LRRK1: variants seen among roughly 807,000 people sequenced by gnomAD.
The protein encoded by LRRK1 is leucine-rich repeat serine/threonine-protein kinase 1.
A neutral mutation model predicts 209.1 loss-of-function variants in LRRK1; 113 were observed. The ratio of observed to expected loss-of-function variants is 0.54; its 90% CI spans 0.46 to 0.63. LRRK1 has a LOEUF of 0.63. Among genes scored for constraint, LRRK1 ranks in the 30% least tolerant of loss-of-function variants. The pLI is 0.00. For synonymous variants in LRRK1, 1,144 were observed against 1,099.7 expected (o/e 1.04, Z -0.80); for missense variants, 2,284 against 2,632.2 (o/e 0.87, Z 2.89).
intron 22 of LRRK1, among the ~76,000 whole-genome samples, chr15:101,048,988 C>T (rs116868898): frequency 5.3e-5 from 8 of 152,314 alleles, no homozygotes; most frequent in Non-Finnish European, 8.8e-5. Context: ...GGTGACCTTG[C>T]AGCCATCCTG....
intron 3 of LRRK1, among the ~76,000 whole-genome samples, chr15:100,974,686 C>G (rs963593464): frequency 6.6e-6 from 1 of 152,100 alleles, no homozygotes; most frequent in African/African-American, 2.4e-5. Flanking sequence ...AATGTTTTTG[C>G]CTCATTCTTT....
At chr15:100,989,595 A>G (rs2032050582) in intron 6 of LRRK1, 197 bp downstream of exon 6, 1 of 608,632 alleles carries the variant, frequency 1.6e-6, no homozygotes, top group African/African-American at 1.8e-5. Context: ...CAAGAGACCA[A>G]CAGACTGAGA....
Position 101,012,122 on chromosome 15 carries a change from C to A in LRRK1, c.1396C>A (p.Pro466Thr). Residue 466 changes from proline to threonine, a missense_variant, in exon 10 of 34, where the codon CCC becomes ACC. Around this residue, in one of 6 missense-constraint regions of LRRK1, gnomAD observed 494 missense variants for 522.1 expected, o/e 0.95. Coordinates refer to ENST00000388948, the MANE Select transcript of LRRK1 (RefSeq NM_024652.6). ...CTCAGAAAACGCACTCAAAGAAGTT[C>A]CCCTGGGACTTTTCCAGCTTGATGT... ...DFSENALKEV[P>T]LGLFQLDALM... 6.2e-7 allele frequency: 1 copy of A among 1,609,528 alleles called. No individual in the cohort carries two copies. The highest frequency in any genetic ancestry group is 8.5e-7 in the Non-Finnish European group (1 of 1,178,866).
At chr15:101,016,053 G>C (rs1350989103) in intron 12 of LRRK1, among the ~76,000 whole-genome samples, 1 of 150,864 alleles carries the variant, frequency 6.6e-6, no homozygotes, top group Non-Finnish European at 1.5e-5. Context: ...GCAGTGGCGC[G>C]ATCTTGGCTC....
chr15:100,970,907 A>C (rs2030826147), intron 2 of LRRK1, among the ~76,000 whole-genome samples: 1 of 151,854 alleles, frequency 6.6e-6, no homozygotes, highest in Non-Finnish European at 1.5e-5. Flanking sequence ...CTTTTGTTAC[A>C]TTTTTTTCTA....
chr15:100,926,436 C>T (rs528704992), intron 2 of LRRK1, among the ~76,000 whole-genome samples: 1 of 151,920 alleles, frequency 6.6e-6, no homozygotes, highest in African/African-American at 2.4e-5. Context: ...GTGACTGTGT[C>T]ATCTGAAAAA....
chr15:101,045,646 G>A (rs1023651625), intron 20 of LRRK1, among the ~76,000 whole-genome samples: 13 of 152,088 alleles, frequency 8.5e-5, no homozygotes, highest in Admixed American at 1.3e-4. Context: ...CTGCAACCCC[G>A]TTTATAGAGA....
chr15:100,933,637 C>T (rs1157761900), intron 2 of LRRK1, among the ~76,000 whole-genome samples: 1 of 151,932 alleles, frequency 6.6e-6, no homozygotes, highest in Admixed American at 6.6e-5. Context: ...GCCTGGCCAA[C>T]GTGGCGAAAC....
intron 3 of LRRK1, among the ~76,000 whole-genome samples, chr15:100,975,384 A>G (rs2031232901): frequency 6.6e-6 from 1 of 152,236 alleles, no homozygotes; most frequent in East Asian, 1.9e-4. Flanking sequence ...CTTCATCCTG[A>G]GGGTGGAAAA....
At chr15:100,923,028 C>G (rs897243197) in intron 1 of LRRK1, among the ~76,000 whole-genome samples, 2 of 152,172 alleles carry the variant, frequency 1.3e-5, no homozygotes, top group Admixed American at 6.5e-5. Flanking sequence ...TAGAACCTAC[C>G]CGCTGGTGAG....
intron 22 of LRRK1, 68 bp from the exon 23 acceptor site, chr15:101,049,576 T>G: frequency 6.4e-7 from 1 of 1,557,728 alleles, no homozygotes; most frequent in Non-Finnish European, 8.7e-7. Flanking sequence ...TCCCTGGGGG[T>G]AGGGATATCA....
At position 101,071,427 on chromosome 15, in the gene LRRK1, T is replaced by C. The variant is rs1042186069; in HGVS notation, c.*2579T>C. The C allele has an allele frequency of 2.1e-4, 32 of 152,490 alleles. No homozygotes were observed. Among genetic ancestry groups the C allele is most frequent in the Admixed American group, 1.9e-3 (29 of 15,304 alleles). The allele number at this position is 152,490 out of a possible 1,614,324, so 9.4% of individuals were successfully genotyped here. The stretch of plus-strand genomic sequence containing the variant: ...TTTTTTGAGACGGAGTCTCGCTCTG[T>C]TGCCCAGGCTGGAGTGCAATGGCGC... On this transcript the variant is annotated 3_prime_UTR_variant, in exon 34 of 34. Coordinates refer to ENST00000388948, the MANE Select transcript of LRRK1 (RefSeq NM_024652.6).
chr15:100,974,726 G>C (rs975260195), intron 3 of LRRK1, among the ~76,000 whole-genome samples: 2 of 152,164 alleles, frequency 1.3e-5, no homozygotes, highest in African/African-American at 4.8e-5. Context: ...TCTTAGCATA[G>C]ATCTGCAGGG....
At position 101,052,059 on chromosome 15, in the gene LRRK1, C is replaced by T. The variant is rs944595891; in HGVS notation, c.3689+99C>T. The T allele has an allele frequency of 1.5e-4, 213 of 1,411,310 alleles. No homozygotes were observed. In the African/African-American group the frequency reaches 2.1e-3, roughly 14 times the overall value. The allele number at this position is 1,411,310 out of a possible 1,614,324, so 87.4% of individuals were successfully genotyped here. A position where few individuals can be genotyped will look rare whatever the true frequency, so the allele number is the denominator to read the frequency against. On this transcript the variant is annotated intron_variant, in intron 24 of 33. Coordinates refer to ENST00000388948, the MANE Select transcript of LRRK1 (RefSeq NM_024652.6). The stretch of plus-strand genomic sequence containing the variant: ...GATCTCCAGGAAGACCCCTCTGGGG[C>T]GGGCAGGTGCCCCGGCCATGGCTTC...
At chr15:100,934,626 CAAAAAAAAAAAAA>C (rs71151991) in intron 2 of LRRK1, among the ~76,000 whole-genome samples, 3 of 72,384 alleles carry the variant, frequency 4.1e-5, no homozygotes, top group African/African-American at 1.2e-4. Flanking sequence ...CCCATCTCTA[CAAAAAAAAAAAAA>C]AAAAAAAAAA....
Position 101,022,283 on chromosome 15 carries a change from A to G in LRRK1, c.1853-100A>G. 1 of 1,186,080 alleles carries G rather than the reference A, an allele frequency of 8.4e-7. No homozygotes were observed. The highest frequency in any genetic ancestry group is 1.2e-6 in the Non-Finnish European group (1 of 808,978). 73.5% of individuals were successfully genotyped at this position (1,186,080 alleles called of 1,614,324 possible). A position where few individuals can be genotyped will look rare whatever the true frequency, so the allele number is the denominator to read the frequency against. On this transcript the variant is annotated intron_variant, in intron 14 of 33. Coordinates refer to ENST00000388948, the MANE Select transcript of LRRK1 (RefSeq NM_024652.6). This position sits in a 1 kb window ranked among gnomAD's most constrained non-coding sequence, Gnocchi z 4.0. ...GTAGTCTTCCTTAACTGTCCCCACTAAAACACAAAGAAGGAGTTCCTTCAC... is the reference window on the plus strand; with the variant it reads ...GTAGTCTTCCTTAACTGTCCCCACTGAAACACAAAGAAGGAGTTCCTTCAC...
In LRRK1 at chr15:101,016,869, T is replaced by G. The variant is rs1024613589; in HGVS notation, c.1609+1467T>G. Among the ~76,000 whole-genome samples, 12 of 152,326 alleles carry G rather than the reference T, an allele frequency of 7.9e-5. No individual in the cohort carries two copies. In the East Asian group the frequency reaches 1.9e-3, roughly 24 times the overall value. ...GCCAAGGTTGCACAGGGGCTCGTGGTCTTCCCCAAAACTCAACAGAGACAG... is the reference window on the plus strand; with the variant it reads ...GCCAAGGTTGCACAGGGGCTCGTGGGCTTCCCCAAAACTCAACAGAGACAG... On this transcript the variant is annotated intron_variant, in intron 12 of 33. Coordinates refer to ENST00000388948, the MANE Select transcript of LRRK1 (RefSeq NM_024652.6).
intron 9 of LRRK1, 134 bp downstream of exon 9, chr15:101,010,971 T>A: frequency 1.4e-6 from 1 of 727,926 alleles, no homozygotes; most frequent in Non-Finnish European, 2.2e-6. Context: ...GGTTCCCACA[T>A]TGTAAGCATC....
In LRRK1 at chr15:100,934,758, AC is replaced by A. The variant is rs2042268230; in HGVS notation, c.97+10030del. Among the ~76,000 whole-genome samples, 6 of 149,828 alleles carry A rather than the reference AC, an allele frequency of 4.0e-5. No homozygotes were observed. The Admixed American group carries it at 4.0e-4, about 10-fold the overall frequency. On this transcript the variant is annotated intron_variant, in intron 2 of 33. Coordinates refer to ENST00000388948, the MANE Select transcript of LRRK1 (RefSeq NM_024652.6). ...GCAGAGACTGCAGTGAGCAGAGATC[AC>A]ACCACTGCATTTCAGCCTGGGTGAC...
Sources: allele counts gnomAD v4.1 joint callset (sites outside exome capture counted in the v4.1 genomes callset), GRCh38; gene constraint gnomAD v4.1.1; regional missense constraint gnomAD v4.1.1; non-coding constraint Gnocchi (gnomAD v3.1); transcripts MANE v1.5; gene names NCBI Gene and HGNC (gene_info 2026-07-23, HGNC 2026-07-21).